Variants in PALM2AKAP2 observed in about 807,000 individuals in gnomAD.
PALM2AKAP2 encodes PALM2 and AKAP2 fusion, also known as PALM2-AKAP2 fusion protein.
PALM2AKAP2 carries 37 observed loss-of-function variants against 71.5 expected under a neutral mutation model. That is an observed-to-expected ratio of 0.52 (90% CI 0.40 to 0.68). The LOEUF is 0.68. Among genes scored for constraint, PALM2AKAP2 ranks in the 30% least tolerant of loss-of-function variants. PALM2AKAP2 has a pLI of 0.00. For synonymous variants in PALM2AKAP2, 468 were observed against 478.8 expected, an observed-to-expected ratio of 0.98 and a Z score of 0.29; for missense variants, 1,224 against 1,191.8, an observed-to-expected ratio of 1.03 and a Z score of -0.40.
At chr9:110,000,135 A>C (rs779008304) in intron 6 of PALM2AKAP2, among the ~76,000 whole-genome samples, 2 of 151,486 alleles carry the variant, frequency 1.3e-5, no homozygotes, top group East Asian at 1.9e-4. Flanking sequence ...AACATCAGGG[A>C]TATCTCCTAA....
At chr9:109,865,811 T>A (rs913880924) in intron 1 of PALM2AKAP2, among the ~76,000 whole-genome samples, 2 of 152,330 alleles carry the variant, frequency 1.3e-5, no homozygotes, top group Middle Eastern at 3.4e-3. Flanking sequence ...GTAAGTCTAC[T>A]CTTGAGAGAT....
At chr9:109,964,365 G>T (rs1831905465) in intron 6 of PALM2AKAP2, among the ~76,000 whole-genome samples, 1 of 152,234 alleles carries the variant, frequency 6.6e-6, no homozygotes, top group Non-Finnish European at 1.5e-5. Context: ...TGTGCCAAAT[G>T]GGCTACTGCA....
intron 1 of PALM2AKAP2, 96 bp downstream of exon 1, chr9:109,780,629 C>T: frequency 6.5e-7 from 1 of 1,537,930 alleles, no homozygotes; most frequent in Non-Finnish European, 9.0e-7. Flanking sequence ...GCACAGTAGC[C>T]GCAGGTCATA....
rs374450966 is a variant in PALM2AKAP2, at chr9:110,091,563, T to C, written c.156+42708T>C. Among the ~76,000 whole-genome samples, 69 of 147,318 alleles carry C rather than the reference T, an allele frequency of 4.7e-4. 2 individuals are homozygous for C. The South Asian group carries it at 5.4e-3, about 12-fold the overall frequency. Reference sequence around the variant, plus strand: ...CTGCAATCTCTACCTCCCGGGTTCATGCCATTCTCCTGCCTCAGCCTCCCG... The same window carrying C: ...CTGCAATCTCTACCTCCCGGGTTCACGCCATTCTCCTGCCTCAGCCTCCCG... On this transcript the variant is annotated intron_variant, in intron 1 of 3. Coordinates refer to ENST00000374525, the Ensembl canonical transcript of PALM2AKAP2.
At chr9:109,823,815 A>AT (rs1179847915) in intron 1 of PALM2AKAP2, among the ~76,000 whole-genome samples, 22 of 152,132 alleles carry the variant, frequency 1.4e-4, no homozygotes, top group Non-Finnish European at 2.5e-4. Context: ...ACAAATGTGT[A>AT]TTTTTTGCAT....
rs371840298 is a variant in PALM2AKAP2, at chr9:110,062,136, G to C, written c.156+13281G>C. Among the ~76,000 whole-genome samples, 235 of 152,252 alleles carry C rather than the reference G, an allele frequency of 1.5e-3. 5 individuals are homozygous for C. The South Asian group carries it at 0.021, about 13-fold the overall frequency. ...CCAGGATACATGTGCAGGACCTACA[G>C]GTTTGTTACATAGGTAAACGTGTGC... On this transcript the variant is annotated intron_variant, in intron 1 of 3. Coordinates refer to ENST00000374525, the Ensembl canonical transcript of PALM2AKAP2.
intron 6 of PALM2AKAP2, among the ~76,000 whole-genome samples, chr9:109,940,961 T>C (rs1417890737): frequency 1.3e-5 from 2 of 152,160 alleles, no homozygotes; most frequent in Admixed American, 1.3e-4. Context: ...AAAATTTTTG[T>C]ATAAATGGCC....
chr9:109,927,856 T>C (rs1358152989), intron 5 of PALM2AKAP2, among the ~76,000 whole-genome samples: 1 of 152,192 alleles, frequency 6.6e-6, no homozygotes, highest in Non-Finnish European at 1.5e-5. Flanking sequence ...TTGCATATAG[T>C]ATATATCTGG....
At chr9:109,724,882 A>G (rs946159177) in intron 1 of PALM2AKAP2, among the ~76,000 whole-genome samples, 1 of 152,208 alleles carries the variant, frequency 6.6e-6, no homozygotes, top group Non-Finnish European at 1.5e-5. Flanking sequence ...TTGACTATAT[A>G]AATATTTAAG....
At chr9:109,970,876 GCAGAAGAATTA>G (rs989624194) in intron 6 of PALM2AKAP2, among the ~76,000 whole-genome samples, 46 of 152,170 alleles carry the variant, frequency 3.0e-4, no homozygotes, top group African/African-American at 8.9e-4. Context: ...GGAGGCCAAG[GCAGAAGAATTA>G]CTTGAGCCTA....
At chr9:110,166,620 CAA>C (rs1564344417) in intron 3 of PALM2AKAP2, among the ~76,000 whole-genome samples, 1 of 152,142 alleles carries the variant, frequency 6.6e-6, no homozygotes. Context: ...TGCTTACATA[CAA>C]AACACATTAT....
Position 109,838,385 on chromosome 9 carries a change from G to A in PALM2AKAP2, c.46-29106G>A, listed in dbSNP as rs188699398. Among the ~76,000 whole-genome samples, 328 of 152,310 alleles carry A rather than the reference G, an allele frequency of 2.2e-3. 3 individuals are homozygous for A. Among genetic ancestry groups the A allele is most frequent in the East Asian group, 3.3e-3 (17 of 5,188 alleles). On this transcript the variant is annotated intron_variant, in intron 1 of 9. Coordinates refer to the PALM2AKAP2 transcript ENST00000302798. ...CGGGACATATTTAAAGCAGTGTGTA[G>A]AGGGAAATTTATAGCACTAAATGCC...
At chr9:109,896,779 C>A (rs1204070157) in intron 3 of PALM2AKAP2, among the ~76,000 whole-genome samples, 1 of 151,984 alleles carries the variant, frequency 6.6e-6, no homozygotes, top group African/African-American at 2.4e-5. Context: ...CCAGTGCACT[C>A]CAGCCTGGAC....
At chr9:109,894,564 A>G (rs529911892) in intron 3 of PALM2AKAP2, among the ~76,000 whole-genome samples, 2 of 152,256 alleles carry the variant, frequency 1.3e-5, no homozygotes, top group East Asian at 3.9e-4. Context: ...TGATATCCCA[A>G]TGGGTGATCA....
exon 1 of PALM2AKAP2, chr9:109,780,460 T>C: frequency 4.3e-6 from 7 of 1,613,012 alleles, no homozygotes; most frequent in Non-Finnish European, 5.9e-6. Flanking sequence ...TTCTTTCCTC[T>C]TTCCCCTGCC....
chr9:109,891,394 C>G (rs527917137), intron 3 of PALM2AKAP2, among the ~76,000 whole-genome samples: 12 of 152,132 alleles, frequency 7.9e-5, no homozygotes, highest in Non-Finnish European at 1.3e-4. Context: ...CCATTTTCCC[C>G]CATTATTAAG....
chr9:110,023,220 C>G (rs888139610), intron 7 of PALM2AKAP2, among the ~76,000 whole-genome samples: 15 of 151,592 alleles, frequency 9.9e-5, no homozygotes, highest in Admixed American at 9.2e-4. Context: ...TCCTATTTCT[C>G]CACATCCTCT....
chr9:109,998,774 AAAAAAAAAG>A (rs1832623237), intron 6 of PALM2AKAP2, among the ~76,000 whole-genome samples: 1 of 151,164 alleles, frequency 6.6e-6, no homozygotes, highest in Non-Finnish European at 1.5e-5. Flanking sequence ...CAAAAAAAAA[AAAAAAAAAG>A]GGGGGATAGT....
At chr9:109,937,524 A>G (rs61342249) in intron 6 of PALM2AKAP2, among the ~76,000 whole-genome samples, 2,344 of 152,298 alleles carry the variant, frequency 0.015, 66 homozygotes, top group African/African-American at 0.054. Flanking sequence ...ATTAAAATAA[A>G]ATAAAATAAA....
Sources: gnomAD v4.1 joint callset for allele counts (sites outside exome capture counted in the v4.1 genomes callset) on GRCh38, gnomAD v4.1.1 for gene constraint, MANE v1.5 for transcripts, NCBI Gene and HGNC (gene_info 2026-07-23, HGNC 2026-07-21) for gene names.